The following RIMBP2 variants were observed in gnomAD, a reference collection of about 807,000 sequenced individuals.
RIMBP2 encodes RIMS-binding protein 2.
A neutral mutation model predicts 118.6 loss-of-function variants in RIMBP2; 48 were observed. The observed-to-expected ratio is 0.40, with a 90% CI of 0.32 to 0.51. The LOEUF (loss-of-function observed/expected upper bound fraction) is 0.51, where lower values mean the gene tolerates loss of function less well. RIMBP2 is among the 20% of genes least tolerant of loss of function. RIMBP2 has a pLI of 0.41. For synonymous variants in RIMBP2, 762 were observed against 742.9 expected, an observed-to-expected ratio of 1.03 and a Z score of -0.42; for missense variants, 1,551 against 1,768.3, an observed-to-expected ratio of 0.88 and a Z score of 2.20.
At chr12:130,432,224 T>G (rs931629293) in intron 14 of RIMBP2, 2 of 456,466 alleles carry the variant, frequency 4.4e-6, no homozygotes, top group Non-Finnish European at 8.8e-6. Context: ...TGGAAACAGG[T>G]CTTCTTCAGG....
rs1050689562 is a variant in RIMBP2, at chr12:130,431,381, C to T, written c.2254-3044G>A. ...CTTCCCGGGTTGTAAAACTGGCAGT[C>T]TGTGCACCAGCTCAACTTCAGTCAC... On this transcript the variant is annotated intron_variant, in intron 14 of 22. Transcript: ENST00000690449. The surrounding 1 kb of genome is among the most constrained non-coding windows in gnomAD (Gnocchi z 4.0). The T allele has an allele frequency of 4.3e-5, 16 of 370,598 alleles. No homozygotes were observed. Among genetic ancestry groups the T allele is most frequent in the Non-Finnish European group, 8.5e-5 (15 of 177,258 alleles). The allele number at this position is 370,598 out of a possible 1,614,324, so 23.0% of individuals were successfully genotyped here.
At chr12:130,433,968 C>A (rs1244521871) in intron 14 of RIMBP2, among the ~76,000 whole-genome samples, 1 of 152,216 alleles carries the variant, frequency 6.6e-6, no homozygotes. Context: ...AACGTCATGG[C>A]CGGAGGAGTC....
intron 1 of RIMBP2, among the ~76,000 whole-genome samples, chr12:130,649,043 C>T (rs2063110720): frequency 6.9e-6 from 1 of 145,828 alleles, no homozygotes; most frequent in African/African-American, 2.5e-5. Context: ...TCCTCAATGA[C>T]CTCCTGACTC....
intron 3 of RIMBP2, among the ~76,000 whole-genome samples, chr12:130,516,496 T>C (rs890074981): frequency 3.9e-5 from 6 of 152,014 alleles, no homozygotes; most frequent in African/African-American, 1.2e-4. Context: ...CAAGAAAAGA[T>C]ACAAAGAACA....
intron 3 of RIMBP2, among the ~76,000 whole-genome samples, chr12:130,517,144 G>C (rs11613338): frequency 6.6e-6 from 1 of 152,066 alleles, no homozygotes; most frequent in Non-Finnish European, 1.5e-5. Flanking sequence ...TCCATTCATG[G>C]ATTAATGGAT....
At chr12:130,650,719 C>T (rs2063193649) in intron 1 of RIMBP2, among the ~76,000 whole-genome samples, 1 of 152,150 alleles carries the variant, frequency 6.6e-6, no homozygotes, top group African/African-American at 2.4e-5. Flanking sequence ...ACTCAGTAAA[C>T]AAGGGAGACT....
intron 2 of RIMBP2, among the ~76,000 whole-genome samples, chr12:130,606,629 G>GA (rs1250700529): frequency 6.6e-6 from 1 of 152,146 alleles, no homozygotes; most frequent in Non-Finnish European, 1.5e-5. Flanking sequence ...AACCTTATCT[G>GA]AAAGTCTGCA....
intron 15 of RIMBP2, chr12:130,425,738 G>C (rs1255206540): frequency 1.3e-5 from 2 of 152,418 alleles, no homozygotes; most frequent in African/African-American, 4.8e-5. Context: ...CCTTCAAGGG[G>C]GCTTGGCTGA....
At chr12:130,510,633 T>C (rs1015396949) in intron 3 of RIMBP2, among the ~76,000 whole-genome samples, 1 of 152,102 alleles carries the variant, frequency 6.6e-6, no homozygotes. Flanking sequence ...CATGCCTGGC[T>C]AATTTTTGCA....
At chr12:130,694,305 C>G (rs1405999925) in intron 1 of RIMBP2, among the ~76,000 whole-genome samples, 1 of 152,220 alleles carries the variant, frequency 6.6e-6, no homozygotes, top group Non-Finnish European at 1.5e-5. Flanking sequence ...GCACTTTGCC[C>G]TTCATTCAGT....
intron 2 of RIMBP2, among the ~76,000 whole-genome samples, chr12:130,627,322 C>T (rs925031527): frequency 3.9e-5 from 6 of 152,336 alleles, no homozygotes; most frequent in Non-Finnish European, 8.8e-5. Context: ...CAGCCATTTC[C>T]GGGTTGAAAA....
At position 130,680,289 on chromosome 12, in the gene RIMBP2, G is replaced by A. The variant is rs185159978; in HGVS notation, c.-352+35933C>T. 7.2e-5 allele frequency among the ~76,000 whole-genome samples: 11 copies of A among 152,352 alleles called. No homozygotes were observed. The East Asian group carries it at 2.1e-3, about 29-fold the overall frequency. ...AGGGATTCTAACATGAGCATGAAAT[G>A]GCGTTGAGGATGACTTGGCTTGTAA... On this transcript the variant is annotated intron_variant, in intron 1 of 22. Coordinates refer to ENST00000690449, the MANE Select transcript of RIMBP2 (RefSeq NM_001393629.1).
chr12:130,676,142 A>G (rs1315160731), intron 1 of RIMBP2, among the ~76,000 whole-genome samples: 1 of 152,358 alleles, frequency 6.6e-6, no homozygotes, highest in Admixed American at 6.5e-5. Context: ...GCTGTGAGCA[A>G]CCAATGCCTG....
At chr12:130,467,652 G>A (rs1037135452) in intron 6 of RIMBP2, among the ~76,000 whole-genome samples, 2 of 152,168 alleles carry the variant, frequency 1.3e-5, no homozygotes, top group Admixed American at 1.3e-4. Context: ...TAAATTGGCT[G>A]TATCTAGGCA....
chr12:130,530,391 AT>A (rs2053243983), intron 2 of RIMBP2, among the ~76,000 whole-genome samples: 1 of 152,248 alleles, frequency 6.6e-6, no homozygotes, highest in Non-Finnish European at 1.5e-5. Context: ...ATGCATAGTA[AT>A]TTATAAGCTA....
At chr12:130,642,450 A>T (rs566030567) in intron 1 of RIMBP2, among the ~76,000 whole-genome samples, 2 of 152,112 alleles carry the variant, frequency 1.3e-5, no homozygotes, top group Admixed American at 1.3e-4. Context: ...ACGCCCAGCT[A>T]ATTTTTGTAT....
chr12:130,405,212 CAA>C (rs796120615), intron 21 of RIMBP2, among the ~76,000 whole-genome samples: 1,852 of 152,018 alleles, frequency 0.012, 38 homozygotes, highest in African/African-American at 0.042. Flanking sequence ...CACACACACA[CAA>C]AGTTAAAAAG....
chr12:130,412,794 C>G lies in RIMBP2; in HGVS notation c.3421-7G>C, dbSNP rs1346312444. The G allele has an allele frequency of 6.2e-7, 1 of 1,604,664 alleles. No homozygotes were observed. Among genetic ancestry groups the G allele is most frequent in the Non-Finnish European group, 8.5e-7 (1 of 1,175,512 alleles). On this transcript the variant is annotated splice_polypyrimidine_tract_variant and splice_region_variant and intron_variant, in intron 18 of 22. Transcript: ENST00000690449. ...CGTCTTTATCACCATAAACCTAGAG[C>G]CAAGGGGGAAAATAAATCAAGCACT... is the stretch of plus-strand genomic sequence containing the variant.
At chr12:130,639,833 C>T (rs942245923) in intron 1 of RIMBP2, among the ~76,000 whole-genome samples, 2 of 152,060 alleles carry the variant, frequency 1.3e-5, no homozygotes, top group Non-Finnish European at 1.5e-5. Context: ...AATTGAAAGC[C>T]GAGATGAAAA....
Sources: allele counts gnomAD v4.1 joint callset (sites outside exome capture counted in the v4.1 genomes callset), GRCh38; gene constraint gnomAD v4.1.1; non-coding constraint Gnocchi (gnomAD v3.1); transcripts MANE v1.5; gene names NCBI Gene and HGNC (gene_info 2026-07-23, HGNC 2026-07-21).